The following COG7 variants were observed in gnomAD, a reference collection of about 807,000 sequenced individuals.
The protein encoded by COG7 is conserved oligomeric Golgi complex subunit 7.
COG7 carries 49 observed loss-of-function variants against 91.5 expected under a neutral mutation model. The ratio of observed to expected loss-of-function variants is 0.54; its 90% confidence interval spans 0.43 to 0.68. The LOEUF is 0.68. COG7 is among the 30% of genes least tolerant of loss of function. COG7 has a pLI of 0.00. For missense variants in COG7, 895 were observed against 961.3 expected (o/e 0.93, Z 0.91); for synonymous variants, 365 against 388.7 (o/e 0.94, Z 0.72).
chr16:23,431,271 T>C (rs947085077), intron 6 of COG7, among the ~76,000 whole-genome samples: 5 of 152,186 alleles, frequency 3.3e-5, no homozygotes, highest in African/African-American at 1.2e-4. Flanking sequence ...CTGTGTGCTA[T>C]ACCGACCTTC....
intron 6 of COG7, among the ~76,000 whole-genome samples, chr16:23,425,779 T>A (rs1440990266): frequency 6.6e-6 from 1 of 152,210 alleles, no homozygotes; most frequent in East Asian, 1.9e-4. Flanking sequence ...GAAAGTAAAC[T>A]GGCAAGACTT....
intron 11 of COG7, among the ~76,000 whole-genome samples, chr16:23,409,629 C>A (rs562191601): frequency 6.6e-6 from 1 of 152,270 alleles, no homozygotes; most frequent in East Asian, 1.9e-4. Flanking sequence ...ATAAAGGCAT[C>A]AGCCATACCA....
rs1051369438 is a variant in COG7, at chr16:23,431,090, G to A, written c.810+2455C>T. On this transcript the variant is annotated intron_variant, in intron 6 of 16. Transcript: ENST00000307149. ...TAATGAACAGACAGAGACAGGGATA[G>A]ACAGGCAGATCTGCAATAAAGCAAA... Among the ~76,000 whole-genome samples, 10 of 152,238 alleles carry A rather than the reference G, an allele frequency of 6.6e-5. No homozygotes were observed. In the South Asian group the frequency reaches 2.1e-3, roughly 32 times the overall value.
intron 6 of COG7, among the ~76,000 whole-genome samples, chr16:23,428,774 C>T (rs2142084113): frequency 6.6e-6 from 1 of 151,624 alleles, no homozygotes; most frequent in South Asian, 2.1e-4. Context: ...TCACTGCAAC[C>T]TCCACCTCCC....
chr16:23,409,088 T>TGTGTGTGTGTGTGTGTGTGTGTGTGC (rs567307217), intron 11 of COG7, among the ~76,000 whole-genome samples: 1 of 147,806 alleles, frequency 6.8e-6, no homozygotes, highest in Non-Finnish European at 1.5e-5. Context: ...TGTGTGTGTG[T>TGTGTGTGTGTGTGTGTGTGTGTGTGC]GCGTGCATGT....
intron 1 of COG7, chr16:23,446,445 CTTTTT>C (rs34254755): frequency 5.6e-4 from 63 of 112,784 alleles, no homozygotes; most frequent in South Asian, 2.9e-3. Context: ...TTTCCATGGT[CTTTTT>C]TTTTTTTTTT....
At chr16:23,397,642 T>C (rs2142061678) in intron 14 of COG7, among the ~76,000 whole-genome samples, 1 of 152,352 alleles carries the variant, frequency 6.6e-6, no homozygotes, top group South Asian at 2.1e-4. Context: ...ACACAGAGCC[T>C]GGCACATAGT....
rs1039618750 is a variant in COG7, at chr16:23,409,089, G to GTGTGTGTGTGTGTGCGCA, written c.1475+1205_1475+1206insTGCGCACACACACACACA. Reference sequence around the variant, plus strand: ...CGTGTGTGTGTGTGTGTGTGTGTGTGCGTGCATGTGTGTGTGTGTGTGTGT... The same window carrying GTGTGTGTGTGTGTGCGCA: ...CGTGTGTGTGTGTGTGTGTGTGTGTGTGTGTGTGTGTGTGCGCACGTGCATGTGTGTGTGTGTGTGTGT... On this transcript the variant is annotated intron_variant, in intron 11 of 16. Transcript: ENST00000307149. Among the ~76,000 whole-genome samples the GTGTGTGTGTGTGTGCGCA allele has an allele frequency of 2.4e-5, 2 of 85,072 alleles. 1 individual carries two copies. The highest frequency in any genetic ancestry group is 8.1e-4 in the East Asian group (2 of 2,470). 55.8% of individuals were successfully genotyped at this position (85,072 alleles called of 152,430 possible).
At chr16:23,396,964 C>T (rs1223189356) in intron 14 of COG7, among the ~76,000 whole-genome samples, 2 of 152,066 alleles carry the variant, frequency 1.3e-5, no homozygotes, top group East Asian at 3.9e-4. Context: ...GGCAGGAGTG[C>T]AGTGGTGCAA....
At chr16:23,393,638 C>T (rs1963236724) in intron 14 of COG7, 2 of 422,810 alleles carry the variant, frequency 4.7e-6, no homozygotes, top group South Asian at 2.5e-5. Context: ...TATCAAAATG[C>T]TTTGTAAAAT....
chr16:23,440,779 T>A (rs1315743293), intron 4 of COG7, among the ~76,000 whole-genome samples: 2 of 152,104 alleles, frequency 1.3e-5, no homozygotes, highest in Admixed American at 6.6e-5. Flanking sequence ...TTTATTTTTT[T>A]AAATAAGTAG....
rs1216394418 is a variant in COG7 at position 23,427,488 on chromosome 16, A to AG, written c.811-2542_811-2541insC. The stretch of plus-strand genomic sequence containing the variant: ...AACTCTGTCTCAAAAGAAAAAAAAA[A>AG]AACAAAAAACAGCTAAACTGCTGAG... On this transcript the variant is annotated intron_variant, in intron 6 of 16. Transcript: ENST00000307149. 3.3e-5 allele frequency among the ~76,000 whole-genome samples: 5 copies of AG among 152,126 alleles called. No homozygotes were observed. The South Asian group carries it at 1.0e-3, about 32-fold the overall frequency.
chr16:23,392,627 C>A (rs921540018), intron 15 of COG7, 104 bp from the exon 16 acceptor site: 1 of 1,408,416 alleles, frequency 7.1e-7, no homozygotes. Context: ...ACACAGGAAA[C>A]CGAAAACAGT....
chr16:23,409,206 C>T (rs150566391), intron 11 of COG7, among the ~76,000 whole-genome samples: 1 of 152,274 alleles, frequency 6.6e-6, no homozygotes, highest in Non-Finnish European at 1.5e-5. Context: ...TCCCCACCAA[C>T]AGGCGGGTGG....
rs1596904416 is a variant in COG7, at chr16:23,392,494, C to A, written c.2032G>T (p.Ala678Ser). 3.1e-6 allele frequency: 5 copies of A among 1,614,182 alleles called. No homozygotes were observed. The highest frequency in any genetic ancestry group is 4.2e-6 in the Non-Finnish European group (5 of 1,180,034). ...GDELPELDNM[A>S]DNWLGSIARA... ...GCGATCGAGCCCAGCCAGTTGTCAG[C>A]CATGTTGTCCAGCTCGGGCAATTCA... The change falls in exon 16 of 17, where the codon GCT (alanine) becomes TCT (serine). Residue 678 changes from alanine to serine, a missense_variant. By Grantham distance (99) the Ala-to-Ser change is moderately conservative. Coordinates refer to ENST00000307149, the MANE Select transcript of COG7 (RefSeq NM_153603.4).
At chr16:23,428,453 G>A (rs187435675) in intron 6 of COG7, among the ~76,000 whole-genome samples, 193 of 151,892 alleles carry the variant, frequency 1.3e-3, no homozygotes, top group African/African-American at 4.3e-3. Context: ...TAGACATTTC[G>A]CAAAGGAAGA....
At chr16:23,441,443 C>T (rs1016384312) in intron 4 of COG7, among the ~76,000 whole-genome samples, 4 of 152,064 alleles carry the variant, frequency 2.6e-5, no homozygotes, top group Non-Finnish European at 4.4e-5. Flanking sequence ...GGTGTGGTGG[C>T]GCACGTCTGT....
chr16:23,413,665 T>C lies in COG7; in HGVS notation c.1293-101A>G, dbSNP rs181309741. 2.3e-4 allele frequency: 179 copies of C among 779,592 alleles called. 2 individuals carry two copies. The East Asian group carries it at 4.3e-3, about 19-fold the overall frequency. The allele number at this position is 779,592 out of a possible 1,614,324, so 48.3% of individuals were successfully genotyped here. ...GCTCTGGACAAATTGCTAATGGCCT[T>C]GAGAGCATCTTTAGAGGCTCCCACC... is the stretch of plus-strand genomic sequence containing the variant. On this transcript the variant is annotated intron_variant, in intron 9 of 16. Coordinates refer to ENST00000307149, the MANE Select transcript of COG7 (RefSeq NM_153603.4).
At chr16:23,420,136 CA>C (rs1963730540) in intron 7 of COG7, among the ~76,000 whole-genome samples, 3 of 152,028 alleles carry the variant, frequency 2.0e-5, no homozygotes, top group South Asian at 2.1e-4. Flanking sequence ...AAAACAAAAA[CA>C]AAAAACAAAA....
Sources: gnomAD v4.1 joint callset for allele counts (sites outside exome capture counted in the v4.1 genomes callset) on GRCh38, gnomAD v4.1.1 for gene constraint, MANE v1.5 for transcripts, NCBI Gene and HGNC (gene_info 2026-07-23, HGNC 2026-07-21) for gene names.